Variants in MCF2 observed in about 807,000 individuals in gnomAD.
MCF2 encodes the protein MCF.2 cell line derived transforming sequence.
Under a neutral mutation model 82.5 loss-of-function variants are expected in MCF2, and 44 were observed. The observed-to-expected ratio is 0.53, with a 90% CI of 0.42 to 0.69. MCF2 has a LOEUF of 0.69. MCF2 is among the 30% of genes least tolerant of loss of function. The probability of loss-of-function intolerance (pLI) is 0.00; values close to 1 mark genes in which losing one functional copy is unlikely to be tolerated. For missense variants in MCF2, 623 were observed against 663.1 expected, an observed-to-expected ratio of 0.94 and a Z score of 0.66; for synonymous variants, 217 against 224.9, an observed-to-expected ratio of 0.96 and a Z score of 0.32.
At chrX:139,667,850 C>T (rs1488026799) in intron 1 of MCF2, among the ~76,000 whole-genome samples, 1 of 112,101 alleles carries the variant, frequency 8.9e-6, no homozygotes, top group East Asian at 2.8e-4. Flanking sequence ...GCACACTCCC[C>T]AGCTCTAGCA....
At chrX:139,582,593 C>A (rs754811372) in intron 24 of MCF2, 90 bp from the exon 29 acceptor site, 1 of 635,668 alleles carries the variant, frequency 1.6e-6, no homozygotes, top group South Asian at 2.7e-5. Flanking sequence ...CTTGTTTTGG[C>A]AGGGAAGAAG....
chrX:139,680,751 G>A (rs189975385), intron 1 of MCF2, among the ~76,000 whole-genome samples: 166 of 112,254 alleles, frequency 1.5e-3, no homozygotes, highest in African/African-American at 5.1e-3. Context: ...CCATGTAGAC[G>A]TGACTAAATG....
chrX:139,596,014 G>A (rs894960203), intron 19 of MCF2, among the ~76,000 whole-genome samples: 2 of 111,593 alleles, frequency 1.8e-5, no homozygotes, highest in African/African-American at 6.5e-5. Flanking sequence ...GATAAGGAAA[G>A]GATTCAGCTA....
chrX:139,641,892 T>C (rs1029577866), intron 1 of MCF2, among the ~76,000 whole-genome samples: 2 of 111,646 alleles, frequency 1.8e-5, no homozygotes, highest in Admixed American at 1.9e-4. Flanking sequence ...TGAGTTACTG[T>C]CTTTTTCCCT....
intron 1 of MCF2, among the ~76,000 whole-genome samples, chrX:139,706,888 AATTATTATT>A (rs758019893): frequency 4.2e-4 from 46 of 109,518 alleles, no homozygotes; most frequent in Non-Finnish European, 7.8e-4. Flanking sequence ...TTTCAGACAT[AATTATTATT>A]ATTATTATTA....
chrX:139,651,563 T>G (rs551770826), intron 2 of MCF2, among the ~76,000 whole-genome samples, 157 bp downstream of exon 2: 3 of 112,003 alleles, frequency 2.7e-5, no homozygotes, highest in African/African-American at 9.7e-5. Context: ...AGCAACTAGG[T>G]GCACAATGTA....
chrX:139,598,815 A>G (rs193153087), intron 16 of MCF2, among the ~76,000 whole-genome samples: 7,582 of 111,782 alleles, frequency 0.068, 281 homozygotes, highest in South Asian at 0.18. Flanking sequence ...TAACATGATT[A>G]AAACGTTCTT....
chrX:139,626,671 C>T, exon 5 of MCF2: 1 of 1,207,661 alleles, frequency 8.3e-7, no homozygotes, highest in Non-Finnish European at 1.1e-6. Context: ...ACATTCTAGT[C>T]TTGAACTGAC....
chrX:139,591,136 C>G (rs959562403), intron 19 of MCF2, among the ~76,000 whole-genome samples: 5 of 111,090 alleles, frequency 4.5e-5, no homozygotes, highest in Admixed American at 1.9e-4. Context: ...TTAGAGAGGT[C>G]TGGATTGGAA....
intron 1 of MCF2, among the ~76,000 whole-genome samples, chrX:139,696,348 TCTCCTCTCCTCTCCTCTC>T (rs1935383510): frequency 1.0e-5 from 1 of 99,050 alleles, no homozygotes; most frequent in Non-Finnish European, 2.0e-5. Flanking sequence ...TCTTCTCTCC[TCTCCTCTCCTCTCCTCTC>T]CTCTCCTCTC....
chrX:139,606,003 A>ATT (rs1420297525), intron 12 of MCF2, among the ~76,000 whole-genome samples: 4 of 80,882 alleles, frequency 4.9e-5, no homozygotes, highest in African/African-American at 2.0e-4. Context: ...ATTTATATTC[A>ATT]TTATATATAT....
At chrX:139,597,571 A>G in exon 18 of MCF2, 1 of 1,148,901 alleles carries the variant, frequency 8.7e-7, no homozygotes, top group Middle Eastern at 2.5e-4. Flanking sequence ...AGTCTTTGCT[A>G]TATTTTAATA....
chrX:139,676,724 A>G (rs1934873110), intron 1 of MCF2, among the ~76,000 whole-genome samples: 1 of 112,294 alleles, frequency 8.9e-6, no homozygotes, highest in Admixed American at 9.4e-5. Context: ...ACCTTAGTGT[A>G]TAGTAAGTGC....
intron 1 of MCF2, among the ~76,000 whole-genome samples, chrX:139,691,491 A>T (rs1209881837): frequency 9.0e-6 from 1 of 111,672 alleles, no homozygotes; most frequent in Non-Finnish European, 1.9e-5. Context: ...TTCTCCGGGG[A>T]CGCACCAAAG....
intron 1 of MCF2, among the ~76,000 whole-genome samples, chrX:139,659,397 T>G (rs992576308): frequency 8.9e-6 from 1 of 112,462 alleles, no homozygotes; most frequent in African/African-American, 3.2e-5. Flanking sequence ...TATACTAAGT[T>G]TATTAGTTAT....
At chrX:139,679,044 T>C (rs763492696) in intron 1 of MCF2, among the ~76,000 whole-genome samples, 1 of 112,374 alleles carries the variant, frequency 8.9e-6, no homozygotes, top group Non-Finnish European at 1.9e-5. Context: ...CAATCTAAAA[T>C]GGAGAAACAA....
At chrX:139,689,070 C>T (rs1453589830) in intron 1 of MCF2, among the ~76,000 whole-genome samples, 1 of 111,421 alleles carries the variant, frequency 9.0e-6, no homozygotes, top group Non-Finnish European at 1.9e-5. Flanking sequence ...CCTCGAACAC[C>T]ACGACTAGTC....
At chrX:139,630,326 C>T (rs778318000) in intron 3 of MCF2, among the ~76,000 whole-genome samples, 36 of 110,816 alleles carry the variant, frequency 3.2e-4, no homozygotes, top group South Asian at 3.8e-4. Flanking sequence ...TTGAAGGAAA[C>T]GGGGGAAAAA....
intron 1 of MCF2, among the ~76,000 whole-genome samples, chrX:139,654,243 A>C (rs971089339): frequency 9.0e-6 from 1 of 111,491 alleles, no homozygotes; most frequent in East Asian, 2.8e-4. Flanking sequence ...TGGCTGTACT[A>C]GTTTACTTTC....
Sources: gnomAD v4.1 joint callset for allele counts (sites outside exome capture counted in the v4.1 genomes callset) on GRCh38, gnomAD v4.1.1 for gene constraint, MANE v1.5 for transcripts, NCBI Gene and HGNC (gene_info 2026-07-23, HGNC 2026-07-21) for gene names.